PTBP3: variants seen among roughly 807,000 people sequenced by gnomAD.
PTBP3 encodes polypyrimidine tract-binding protein 3.
A neutral mutation model predicts 58.7 loss-of-function variants in PTBP3; 20 were observed. The observed-to-expected ratio is 0.34, with a 90% CI of 0.24 to 0.50. The LOEUF is 0.50. PTBP3 is among the 20% of genes least tolerant of loss of function. The pLI is 0.98. For synonymous variants in PTBP3, 185 were observed against 219.8 expected, an observed-to-expected ratio of 0.84 and a Z score of 1.40; for missense variants, 509 against 637.2, an observed-to-expected ratio of 0.80 and a Z score of 2.17.
At chr9:112,261,852 T>G (rs1836611643) in intron 5 of PTBP3, among the ~76,000 whole-genome samples, 2 of 152,210 alleles carry the variant, frequency 1.3e-5, no homozygotes, top group African/African-American at 4.8e-5. Flanking sequence ...TATCAATTAT[T>G]TGGGTTTTGG....
intron 3 of PTBP3, 151 bp from the exon 4 acceptor site, chr9:112,268,346 G>T: frequency 1.4e-6 from 1 of 721,986 alleles, no homozygotes; most frequent in Non-Finnish European, 2.1e-6. Context: ...AAACACCTTT[G>T]CTTCAAAATA....
Position 112,223,233 on chromosome 9 carries a change from G to A in PTBP3, c.*618C>T. On this transcript the variant is annotated 3_prime_UTR_variant, in exon 14 of 14. Transcript: ENST00000374257. ...AGTTAAAGATAGGCATTATTTAAAG[G>A]AGTGTCTTACAGTGAAAAAAAGAAA... 1.1e-6 allele frequency: 1 copy of A among 939,980 alleles called. No homozygotes were observed. Among genetic ancestry groups the A allele is most frequent in the Non-Finnish European group, 1.3e-6 (1 of 788,322 alleles). The allele number at this position is 939,980 out of a possible 1,614,324, so 58.2% of individuals were successfully genotyped here.
At chr9:112,350,409 G>A in the PTBP3 span, among the ~76,000 whole-genome samples, 2 of 152,078 alleles carry the variant, frequency 1.3e-5, no homozygotes, top group Non-Finnish European at 2.9e-5. Context: ...AGCAATTTTA[G>A]ATTTATGGAA....
At chr9:112,310,422 G>C (rs1287965825) in intron 1 of PTBP3, among the ~76,000 whole-genome samples, 6 of 152,126 alleles carry the variant, frequency 3.9e-5, no homozygotes, top group Non-Finnish European at 8.8e-5. Flanking sequence ...ACATTCATTT[G>C]TATATTTATT....
chr9:112,348,564 C>T, the PTBP3 span, among the ~76,000 whole-genome samples: 1 of 152,238 alleles, frequency 6.6e-6, no homozygotes, highest in Non-Finnish European at 1.5e-5. Context: ...TGCGCACAGC[C>T]CACTCCGAAG....
chr9:112,226,044 A>C (rs1294258187), intron 12 of PTBP3, among the ~76,000 whole-genome samples: 1 of 152,010 alleles, frequency 6.6e-6, no homozygotes, highest in Non-Finnish European at 1.5e-5. Context: ...ACCCTGTCTC[A>C]AAAAAAAATA....
upstream of PTBP3, among the ~76,000 whole-genome samples, chr9:112,334,158 T>G (rs1181699915): frequency 6.6e-6 from 1 of 151,658 alleles, no homozygotes; most frequent in Non-Finnish European, 1.5e-5. Context: ...GGCGCTGGAG[T>G]CGACCGCTGG....
At chr9:112,284,309 C>T (rs953474288) in intron 2 of PTBP3, among the ~76,000 whole-genome samples, 12 of 152,286 alleles carry the variant, frequency 7.9e-5, no homozygotes, top group South Asian at 2.1e-4. Flanking sequence ...GCCACCGGGG[C>T]GGAGATGCCC....
chr9:112,334,224 GC>G (rs957728455), upstream of PTBP3, among the ~76,000 whole-genome samples: 4 of 152,090 alleles, frequency 2.6e-5, no homozygotes, highest in Non-Finnish European at 4.4e-5. Context: ...GAAAGAGGCT[GC>G]CCGGACTGGA....
intron 10 of PTBP3, 68 bp from the exon 11 acceptor site, chr9:112,228,540 T>G: frequency 1.8e-6 from 2 of 1,136,236 alleles, no homozygotes; most frequent in South Asian, 1.7e-5. Context: ...ATTTTACTAA[T>G]ATACTTAAAG....
At chr9:112,378,947 A>C in the PTBP3 span, among the ~76,000 whole-genome samples, 3 of 152,188 alleles carry the variant, frequency 2.0e-5, no homozygotes, top group African/African-American at 7.2e-5. Flanking sequence ...AGCACTTTGG[A>C]AGGCCGAGGC....
At chr9:112,258,064 G>A (rs902461965) in intron 5 of PTBP3, among the ~76,000 whole-genome samples, 30 of 151,734 alleles carry the variant, frequency 2.0e-4, no homozygotes, top group Non-Finnish European at 4.1e-4. Context: ...TTAAGAACCA[G>A]AATTTCATAT....
At chr9:112,244,500 C>T (rs796960445) in intron 7 of PTBP3, among the ~76,000 whole-genome samples, 114 of 151,070 alleles carry the variant, frequency 7.5e-4, no homozygotes, top group African/African-American at 2.6e-3. Context: ...ACAGAGGGAC[C>T]CTACCTCTAC....
At chr9:112,347,447 T>G in the PTBP3 span, among the ~76,000 whole-genome samples, 1 of 151,364 alleles carries the variant, frequency 6.6e-6, no homozygotes, top group Non-Finnish European at 1.5e-5. Flanking sequence ...GCTCAGATGA[T>G]CCTCCCACCT....
the PTBP3 span, among the ~76,000 whole-genome samples, chr9:112,373,308 G>A: frequency 7.2e-5 from 11 of 152,200 alleles, no homozygotes; most frequent in Non-Finnish European, 1.5e-4. Context: ...AAAACCTGGA[G>A]TCTGATGTTC....
At chr9:112,234,998 G>T in intron 7 of PTBP3, 101 bp from the exon 8 acceptor site, 1 of 963,108 alleles carries the variant, frequency 1.0e-6, no homozygotes, top group Non-Finnish European at 1.6e-6. Flanking sequence ...CTAACAAAGA[G>T]ATTCTGTTAC....
intron 7 of PTBP3, among the ~76,000 whole-genome samples, chr9:112,244,157 T>C (rs1419827761): frequency 1.3e-5 from 2 of 150,836 alleles, no homozygotes; most frequent in Admixed American, 6.6e-5. Context: ...AAAACCATGG[T>C]GGCATGCGCC....
At chr9:112,356,558 G>C in the PTBP3 span, among the ~76,000 whole-genome samples, 2 of 139,588 alleles carry the variant, frequency 1.4e-5, no homozygotes, top group Non-Finnish European at 3.0e-5. Flanking sequence ...TGTGGGGCTG[G>C]TGTGGTACAT....
chr9:112,248,699 T>C (rs1171846492), intron 7 of PTBP3, among the ~76,000 whole-genome samples: 1 of 152,182 alleles, frequency 6.6e-6, no homozygotes, highest in Non-Finnish European at 1.5e-5. Flanking sequence ...AGTTATAAAC[T>C]GGTGCAATCA....
Sources: gnomAD v4.1 joint callset for allele counts (sites outside exome capture counted in the v4.1 genomes callset) on GRCh38, gnomAD v4.1.1 for gene constraint, MANE v1.5 for transcripts, NCBI Gene and HGNC (gene_info 2026-07-23, HGNC 2026-07-21) for gene names.